The following CSMD3 variants were observed in gnomAD, a reference collection of about 807,000 sequenced individuals.
CSMD3 encodes CUB and sushi domain-containing protein 3.
Under a neutral mutation model 435.2 loss-of-function variants are expected in CSMD3, and 177 were observed. The ratio of observed to expected loss-of-function variants is 0.41; its 90% CI spans 0.36 to 0.46. CSMD3 has a LOEUF of 0.46. Among genes scored for constraint, CSMD3 ranks in the 20% least tolerant of loss-of-function variants. The pLI is 0.34. For missense variants in CSMD3, 4,265 were observed against 4,504.6 expected (o/e 0.95, Z 1.52); for synonymous variants, 1,656 against 1,520.5 (o/e 1.09, Z -2.07).
intron 13 of CSMD3, among the ~76,000 whole-genome samples, chr8:112,734,995 ATC>A (rs1191651173): frequency 6.6e-6 from 1 of 152,008 alleles, no homozygotes; most frequent in Non-Finnish European, 1.5e-5. Flanking sequence ...TCATTGGACT[ATC>A]TCTATTTGTC....
At chr8:113,119,809 T>C (rs1377635197) in intron 4 of CSMD3, among the ~76,000 whole-genome samples, 1 of 152,080 alleles carries the variant, frequency 6.6e-6, no homozygotes, top group Non-Finnish European at 1.5e-5. Context: ...AAAACACACA[T>C]TAAATTTTTG....
chr8:113,274,629 T>C (rs971452264), intron 3 of CSMD3, among the ~76,000 whole-genome samples: 4 of 152,118 alleles, frequency 2.6e-5, no homozygotes, highest in African/African-American at 7.2e-5. Flanking sequence ...TCTCCTACTT[T>C]ACCTTCTCCT....
At chr8:112,449,999 C>G (rs1287786125) in intron 32 of CSMD3, among the ~76,000 whole-genome samples, 2 of 152,168 alleles carry the variant, frequency 1.3e-5, no homozygotes, top group Non-Finnish European at 2.9e-5. Context: ...TCTGGGATTA[C>G]AGGCATGAAC....
chr8:112,557,009 C>A lies in CSMD3; in HGVS notation c.4043-55G>T, dbSNP rs115842790. ...CAAAATTTAGGAGGAGGATTTAAAT[C>A]TATACAAATCATTCCTTTCCTTTAC... On this transcript the variant is annotated intron_variant, in intron 24 of 70. Coordinates refer to ENST00000297405, the MANE Select transcript of CSMD3 (RefSeq NM_198123.2). 816 of 1,044,878 alleles carry A rather than the reference C, an allele frequency of 7.8e-4. 5 individuals are homozygous for A. In the African/African-American group the frequency reaches 0.011, roughly 14 times the overall value. The allele number at this position is 1,044,878 out of a possible 1,614,324, so 64.7% of individuals were successfully genotyped here. A position where few individuals can be genotyped will look rare whatever the true frequency, so the allele number is the denominator to read the frequency against.
intron 12 of CSMD3, among the ~76,000 whole-genome samples, chr8:112,808,618 C>T (rs1195189942): frequency 6.6e-6 from 1 of 152,170 alleles, no homozygotes; most frequent in Non-Finnish European, 1.5e-5. Context: ...ACCCAAAGCC[C>T]CGCGTCTATC....
At chr8:112,414,511 C>T (rs994468958) in intron 32 of CSMD3, among the ~76,000 whole-genome samples, 2 of 152,244 alleles carry the variant, frequency 1.3e-5, no homozygotes, top group South Asian at 2.1e-4. Context: ...AACCTTTTTC[C>T]TTTATAAATT....
At position 113,000,495 on chromosome 8, in the gene CSMD3, G is replaced by A. The variant is rs993778386; in HGVS notation, c.1030+18572C>T. Among the ~76,000 whole-genome samples the A allele has an allele frequency of 2.0e-5, 3 of 152,008 alleles. No individual in the cohort carries two copies. The East Asian group carries it at 5.8e-4, about 29-fold the overall frequency. ...CACCACAAAATGATAACCATGTGAT[G>A]TAATGCACATGTATATGTTAATTAG... On this transcript the variant is annotated intron_variant, in intron 6 of 70. Transcript: ENST00000297405.
Position 112,972,573 on chromosome 8 carries a change from T to A in CSMD3, c.1342+3264A>T, listed in dbSNP as rs186593586. On this transcript the variant is annotated intron_variant, in intron 7 of 70. Transcript: ENST00000297405. ...TAATGAAAATATTGTTGCCTTTATT[T>A]AAAAAAAACTGGTATTATAACTGTG... Among the ~76,000 whole-genome samples, 30 of 151,776 alleles carry A rather than the reference T, an allele frequency of 2.0e-4. No individual in the cohort carries two copies. The East Asian group carries it at 4.1e-3, about 21-fold the overall frequency.
rs2130382140 is a variant in CSMD3 at position 112,263,690 on chromosome 8, A to T, written c.9811T>A (p.Leu3271Met). The change falls in exon 61 of 71, where the codon TTG (leucine) becomes ATG (methionine). Residue 3271 changes from leucine to methionine, a missense_variant. Physicochemically the swap from Leu to Met is conservative, Grantham distance 15. Transcript: ENST00000297405. Reference sequence around the variant, plus strand: ...CAGGTACCATTCCCTACACAGGTCAAAACAGCAGGGAAGGATAGCTCATAG... The same window carrying T: ...CAGGTACCATTCCCTACACAGGTCATAACAGCAGGGAAGGATAGCTCATAG... ...PGYELSFPAV[L>M]TCVGNGTWSG... The T allele has an allele frequency of 6.2e-7, 1 of 1,613,822 alleles. No individual in the cohort carries two copies. Among genetic ancestry groups the T allele is most frequent in the Non-Finnish European group, 8.5e-7 (1 of 1,179,806 alleles).
intron 5 of CSMD3, among the ~76,000 whole-genome samples, chr8:113,059,338 G>A (rs2088496444): frequency 1.3e-5 from 2 of 152,026 alleles, no homozygotes; most frequent in African/African-American, 2.4e-5. Flanking sequence ...TTTGTCTCTG[G>A]TACCCTTGGC....
intron 9 of CSMD3, among the ~76,000 whole-genome samples, chr8:112,925,424 G>A (rs911234071): frequency 1.8e-4 from 27 of 151,900 alleles, no homozygotes; most frequent in Admixed American, 3.3e-4. Context: ...TTAACCCAGC[G>A]TGTTGGCGGG....
At chr8:113,360,437 C>T (rs933271269) in intron 1 of CSMD3, among the ~76,000 whole-genome samples, 3 of 152,044 alleles carry the variant, frequency 2.0e-5, no homozygotes, top group African/African-American at 7.2e-5. Context: ...TTTTGTTTAT[C>T]TCATATGCTA....
intron 51 of CSMD3, 142 bp from the exon 52 acceptor site, chr8:112,305,057 A>G: frequency 1.4e-6 from 1 of 707,948 alleles, no homozygotes; most frequent in Non-Finnish European, 2.5e-6. Context: ...TTTCTTTTGC[A>G]TGTTGATATT....
intron 3 of CSMD3, among the ~76,000 whole-genome samples, chr8:113,209,989 T>G (rs566512290): frequency 3.4e-5 from 5 of 149,156 alleles, no homozygotes; most frequent in African/African-American, 1.2e-4. Flanking sequence ...TAACCCGTTT[T>G]ACTTCTCCTA....
chr8:112,919,095 G>A (rs1302862939), intron 10 of CSMD3, among the ~76,000 whole-genome samples: 1 of 151,852 alleles, frequency 6.6e-6, no homozygotes, highest in Non-Finnish European at 1.5e-5. Flanking sequence ...TGCCTTGCAT[G>A]CAATGAGCAA....
intron 4 of CSMD3, among the ~76,000 whole-genome samples, chr8:113,170,194 G>A (rs1381745104): frequency 6.6e-6 from 1 of 152,162 alleles, no homozygotes; most frequent in African/African-American, 2.4e-5. Flanking sequence ...AAGAAAAGCA[G>A]AGGGAAGGCA....
chr8:112,721,681 G>A (rs552482883), intron 13 of CSMD3, among the ~76,000 whole-genome samples: 1 of 152,108 alleles, frequency 6.6e-6, no homozygotes, highest in Non-Finnish European at 1.5e-5. Context: ...ATGCATTCCT[G>A]TTTTGTCAGC....
intron 38 of CSMD3, among the ~76,000 whole-genome samples, chr8:112,365,218 CT>C: frequency 6.6e-6 from 1 of 152,196 alleles, no homozygotes; most frequent in Non-Finnish European, 1.5e-5. Flanking sequence ...TGCCTGCCTC[CT>C]TCCTCTTCAA....
intron 28 of CSMD3, among the ~76,000 whole-genome samples, chr8:112,512,710 CCTTTGAAG>C (rs1823261031): frequency 6.6e-6 from 1 of 152,118 alleles, no homozygotes; most frequent in African/African-American, 2.4e-5. Flanking sequence ...GTCAGCCTGT[CCTTTGAAG>C]CTTTGAAGCC....
Sources: allele counts gnomAD v4.1 joint callset (sites outside exome capture counted in the v4.1 genomes callset), GRCh38; gene constraint gnomAD v4.1.1; transcripts MANE v1.5; gene names NCBI Gene and HGNC (gene_info 2026-07-23, HGNC 2026-07-21).